The following IDI1 variants were observed in gnomAD, a reference collection of about 807,000 sequenced individuals.
IDI1 encodes isopentenyl-diphosphate delta isomerase 1, also known as isopentenyl-diphosphate Delta-isomerase 1.
A neutral mutation model predicts 32.9 loss-of-function variants in IDI1; 23 were observed. The ratio of observed to expected loss-of-function variants is 0.70; its 90% CI spans 0.50 to 0.99. The LOEUF is 0.99. Among genes scored for constraint, IDI1 ranks in the 50% least tolerant of loss-of-function variants. IDI1 has a pLI of 0.00. For synonymous variants in IDI1, 133 were observed against 128.2 expected (o/e 1.04, Z -0.25); for missense variants, 326 against 351.9 (o/e 0.93, Z 0.59).
At position 1,041,158 on chromosome 10, in the gene IDI1, A is replaced by C. The variant is rs772197426; in HGVS notation, c.*29T>G. 1.5e-6 allele frequency: 2 copies of C among 1,310,644 alleles called. No individual in the cohort carries two copies. Among genetic ancestry groups the C allele is most frequent in the Non-Finnish European group, 2.1e-6 (2 of 939,194 alleles). The allele number at this position is 1,310,644 out of a possible 1,614,324, so 81.2% of individuals were successfully genotyped here. On this transcript the variant is annotated 3_prime_UTR_variant, in exon 5 of 5. Transcript: ENST00000381344. ...TCATTCTAAGTTTGTTAAGCAGATAAATTTTTCTGTAATCATTTACCTACA... is the reference window on the plus strand; with the variant it reads ...TCATTCTAAGTTTGTTAAGCAGATACATTTTTCTGTAATCATTTACCTACA...
Position 1,042,671 on chromosome 10 carries a change from C to T in IDI1, c.498G>A (p.Gln166=). 1.2e-6 allele frequency: 2 copies of T among 1,614,082 alleles called. No homozygotes were observed. Among genetic ancestry groups the T allele is most frequent in the Non-Finnish European group, 8.5e-7 (1 of 1,179,968 alleles). Reference sequence around the variant, plus strand: ...TTCCTAGCTCAGCTTTCAGCCGTCTCTGTGCTGCTCGCCTCACTCCAAGGG... The same window carrying T: ...TTCCTAGCTCAGCTTTCAGCCGTCTTTGTGCTGCTCGCCTCACTCCAAGGG... ...SDALGVRRAA[Q]RRLKAELGIP... The change falls in exon 4 of 5, where the codon CAG becomes CAA. Residue 166 remains glutamine (Q), a synonymous_variant. Coordinates refer to ENST00000381344, the MANE Select transcript of IDI1 (RefSeq NM_004508.4).
chr10:1,048,251 G>A (rs1249038542), intron 1 of IDI1: 2 of 1,303,784 alleles, frequency 1.5e-6, no homozygotes, highest in Non-Finnish European at 2.0e-6. Flanking sequence ...CTATTTATGC[G>A]TTTAAAGAAT....
upstream of IDI1, among the ~76,000 whole-genome samples, chr10:1,050,738 C>CA: frequency 6.6e-6 from 1 of 152,306 alleles, no homozygotes. Context: ...AGTGAAGACA[C>CA]ACCAGTTCAC....
upstream of IDI1, among the ~76,000 whole-genome samples, chr10:1,050,214 CACG>C (rs959992660): frequency 2.0e-5 from 3 of 152,192 alleles, no homozygotes; most frequent in African/African-American, 7.2e-5. Context: ...TTAAAAAACA[CACG>C]ACACTAACAT....
chr10:1,040,395 G>T lies in IDI1; in HGVS notation c.*792C>A, dbSNP rs1306573563. The T allele has an allele frequency of 6.6e-6, 1 of 152,246 alleles. No homozygotes were observed. Among genetic ancestry groups the T allele is most frequent in the Non-Finnish European group, 1.5e-5 (1 of 68,098 alleles). 9.4% of individuals were successfully genotyped at this position (152,246 alleles called of 1,614,324 possible). A position where few individuals can be genotyped will look rare whatever the true frequency, so the allele number is the denominator to read the frequency against. On this transcript the variant is annotated 3_prime_UTR_variant, in exon 5 of 5. Coordinates refer to ENST00000381344, the MANE Select transcript of IDI1 (RefSeq NM_004508.4). Reference sequence around the variant, plus strand: ...GCACAGCACAGACCCCACCACAGGGGTTTTATCCAGCCCAAATGTCAACAG... The same window carrying T: ...GCACAGCACAGACCCCACCACAGGGTTTTTATCCAGCCCAAATGTCAACAG...
chr10:1,048,211 C>A, intron 1 of IDI1: 1 of 1,287,376 alleles, frequency 7.8e-7, no homozygotes, highest in Non-Finnish European at 1.0e-6. Context: ...TAAAGCTAAG[C>A]TGCATAATCA....
chr10:1,054,776 G>T, the IDI1 span, among the ~76,000 whole-genome samples: 1 of 152,166 alleles, frequency 6.6e-6, no homozygotes, highest in Non-Finnish European at 1.5e-5. Context: ...ATTTTATAAT[G>T]TGACCTTATT....
At position 1,049,098 on chromosome 10, in the gene IDI1, C is replaced by T. The variant is rs1832904750; in HGVS notation, c.-95G>A. 5.7e-6 allele frequency: 8 copies of T among 1,406,144 alleles called. No homozygotes were observed. The Admixed American group carries it at 1.3e-4, about 22-fold the overall frequency. The allele number at this position is 1,406,144 out of a possible 1,614,324, so 87.1% of individuals were successfully genotyped here. On this transcript the variant is annotated 5_prime_UTR_variant, in exon 1 of 5. Coordinates refer to ENST00000381344, the MANE Select transcript of IDI1 (RefSeq NM_004508.4). Reference sequence around the variant, plus strand: ...CTCCCTGGCCTGTGACAACGGCAGACGCGCGAAGCACCGGGAACCTGAGCC... The same window carrying T: ...CTCCCTGGCCTGTGACAACGGCAGATGCGCGAAGCACCGGGAACCTGAGCC...
At chr10:1,051,931 G>C (rs1301112625), upstream of IDI1, among the ~76,000 whole-genome samples, 2 of 152,168 alleles carry the variant, frequency 1.3e-5, no homozygotes, top group Non-Finnish European at 2.9e-5. Flanking sequence ...GAAGTGCAGT[G>C]GTGCGATCTT....
At chr10:1,050,227 TAA>T (rs969445695), upstream of IDI1, among the ~76,000 whole-genome samples, 28 of 152,314 alleles carry the variant, frequency 1.8e-4, no homozygotes, top group African/African-American at 6.5e-4. Flanking sequence ...GACACTAACA[TAA>T]GTTATATTTT....
At chr10:1,047,878 A>AT (rs887373931) in intron 1 of IDI1, among the ~76,000 whole-genome samples, 12 of 152,226 alleles carry the variant, frequency 7.9e-5, no homozygotes, top group Admixed American at 7.9e-4. Flanking sequence ...TACAGATGAA[A>AT]TTTTTTTCCA....
At chr10:1,051,409 CAT>C (rs1833010802), upstream of IDI1, among the ~76,000 whole-genome samples, 1 of 152,152 alleles carries the variant, frequency 6.6e-6, no homozygotes, top group Non-Finnish European at 1.5e-5. Flanking sequence ...GTGGCACGAA[CAT>C]ATTTATTTTC....
At chr10:1,044,246 G>C (rs1832728537) in intron 1 of IDI1, 75 bp from the exon 2 acceptor site, 1 of 1,119,788 alleles carries the variant, frequency 8.9e-7, no homozygotes, top group Non-Finnish European at 1.3e-6. Context: ...GGTTAATAAT[G>C]ATGCTGCTTC....
chr10:1,042,462 T>G, intron 4 of IDI1, 170 bp downstream of exon 4: 1 of 661,210 alleles, frequency 1.5e-6, no homozygotes, highest in Non-Finnish European at 2.7e-6. Flanking sequence ...CAAGTGATAT[T>G]AAGAAATTAA....
chr10:1,051,019 G>A (rs1325636811), upstream of IDI1, among the ~76,000 whole-genome samples: 1 of 152,144 alleles, frequency 6.6e-6, no homozygotes, highest in Non-Finnish European at 1.5e-5. Flanking sequence ...ATTACTATTT[G>A]GAATTTGAAA....
upstream of IDI1, among the ~76,000 whole-genome samples, chr10:1,052,033 C>A (rs190007609): frequency 2.0e-5 from 3 of 152,248 alleles, no homozygotes; most frequent in East Asian, 3.9e-4. Context: ...CCACCATGCC[C>A]GGCTAATTTT....
intron 1 of IDI1, among the ~76,000 whole-genome samples, chr10:1,044,867 G>A (rs1832754048): frequency 6.6e-6 from 1 of 152,236 alleles, no homozygotes; most frequent in Non-Finnish European, 1.5e-5. Context: ...GGCAGTGCTT[G>A]GCAAGTTTTT....
At position 1,040,089 on chromosome 10, in the gene IDI1, C is replaced by T. The variant is rs1564481589; in HGVS notation, c.*1098G>A. On this transcript the variant is annotated 3_prime_UTR_variant, in exon 5 of 5. Transcript: ENST00000381344. ...CATACAGCATTTAAGAATAATAAATCTGTCTTGAGGTTTCAAATCTGAGAT... is the reference window on the plus strand; with the variant it reads ...CATACAGCATTTAAGAATAATAAATTTGTCTTGAGGTTTCAAATCTGAGAT... The T allele has an allele frequency of 6.6e-6, 1 of 152,140 alleles. No homozygotes were observed. Among genetic ancestry groups the T allele is most frequent in the African/African-American group, 2.4e-5 (1 of 41,438 alleles). 9.4% of individuals were successfully genotyped at this position (152,140 alleles called of 1,614,324 possible).
chr10:1,049,321 G>A (rs1486378986), upstream of IDI1, among the ~76,000 whole-genome samples: 2 of 152,242 alleles, frequency 1.3e-5, no homozygotes, highest in Non-Finnish European at 2.9e-5. Flanking sequence ...TTCCATGGAG[G>A]AAGCCCTCCC....
Sources: gnomAD v4.1 joint callset for allele counts (sites outside exome capture counted in the v4.1 genomes callset) on GRCh38, gnomAD v4.1.1 for gene constraint, MANE v1.5 for transcripts, NCBI Gene and HGNC (gene_info 2026-07-23, HGNC 2026-07-21) for gene names.